The following CNTNAP2 variants were observed in gnomAD, a reference collection of about 807,000 sequenced individuals.
CNTNAP2 encodes contactin-associated protein-like 2.
In CNTNAP2, 98 loss-of-function variants were observed where a neutral mutation model predicts 155.2. The observed-to-expected ratio is 0.63, with a 90% CI of 0.54 to 0.75. The LOEUF is 0.75. Ranked by LOEUF, CNTNAP2 falls within the 30% of genes least tolerant of loss-of-function variation. The pLI, the probability that CNTNAP2 is intolerant of heterozygous loss-of-function variation, is 0.00. For missense variants in CNTNAP2, 1,727 were observed against 1,688.1 expected (o/e 1.02, Z -0.40); for synonymous variants, 651 against 631.2 (o/e 1.03, Z -0.47).
chr7:146,896,925 T>C (rs1321350330), intron 3 of CNTNAP2, among the ~76,000 whole-genome samples: 1 of 152,040 alleles, frequency 6.6e-6, no homozygotes, highest in Non-Finnish European at 1.5e-5. Flanking sequence ...CTGGGCTAAA[T>C]TGCAATTAAG....
intron 1 of CNTNAP2, among the ~76,000 whole-genome samples, chr7:146,447,555 G>A (rs965386002): frequency 6.6e-6 from 1 of 151,752 alleles, no homozygotes; most frequent in Non-Finnish European, 1.5e-5. Context: ...TATTTTCTTT[G>A]ACATTACATA....
intron 8 of CNTNAP2, among the ~76,000 whole-genome samples, chr7:147,178,961 C>T (rs1425652249): frequency 6.6e-6 from 1 of 152,072 alleles, no homozygotes; most frequent in Non-Finnish European, 1.5e-5. Flanking sequence ...AAGCAGGGGT[C>T]TTTCATTTTC....
chr7:147,578,357 G>A (rs1409833250), intron 12 of CNTNAP2, among the ~76,000 whole-genome samples: 1 of 152,106 alleles, frequency 6.6e-6, no homozygotes, highest in African/African-American at 2.4e-5. Flanking sequence ...TAGAGGGCTT[G>A]TCATGGCCAC....
intron 1 of CNTNAP2, among the ~76,000 whole-genome samples, chr7:146,598,307 T>G (rs142192228): frequency 2.0e-5 from 3 of 152,240 alleles, no homozygotes; most frequent in Non-Finnish European, 4.4e-5. Context: ...ATGCTGTTAT[T>G]TTTCCTTTCA....
intron 1 of CNTNAP2, among the ~76,000 whole-genome samples, chr7:146,330,968 T>A (rs987806053): frequency 2.6e-5 from 4 of 152,150 alleles, no homozygotes; most frequent in Non-Finnish European, 5.9e-5. Flanking sequence ...ATAACCAAAT[T>A]GCCTGTAAGA....
chr7:146,599,404 T>G (rs1798912072), intron 1 of CNTNAP2, among the ~76,000 whole-genome samples: 2 of 152,088 alleles, frequency 1.3e-5, no homozygotes, highest in Admixed American at 1.3e-4. Context: ...TAACATGGTC[T>G]GGGATCCCGT....
intron 1 of CNTNAP2, among the ~76,000 whole-genome samples, chr7:146,479,486 C>G (rs189679044): frequency 6.6e-6 from 1 of 151,920 alleles, no homozygotes; most frequent in Non-Finnish European, 1.5e-5. Context: ...GAATTTAAAA[C>G]AGTTGCTTTA....
chr7:146,727,198 C>A (rs1039551805), intron 1 of CNTNAP2, among the ~76,000 whole-genome samples: 7 of 151,986 alleles, frequency 4.6e-5, no homozygotes, highest in African/African-American at 1.7e-4. Context: ...CCGCTATTGT[C>A]CAATAAACGA....
chr7:146,910,548 T>C lies in CNTNAP2; in HGVS notation c.402+70644T>C, dbSNP rs371430409. Among the ~76,000 whole-genome samples the C allele has an allele frequency of 9.0e-3, 1,360 of 150,976 alleles. 20 individuals carry two copies. The highest frequency in any genetic ancestry group is 0.032 in the African/African-American group (1,311 of 40,446). ...TTGACAAACCTGAGAAAAACAAGCA[T>C]TGGGGAAAGGATTCCCTATTTAATA... On this transcript the variant is annotated intron_variant, in intron 3 of 23. Transcript: ENST00000361727.
intron 11 of CNTNAP2, among the ~76,000 whole-genome samples, chr7:147,534,448 A>G (rs1241138744): frequency 2.0e-5 from 3 of 152,178 alleles, no homozygotes; most frequent in African/African-American, 4.8e-5. Flanking sequence ...CTTAGGATAC[A>G]GAAGAATAAG....
intron 19 of CNTNAP2, among the ~76,000 whole-genome samples, chr7:148,228,792 C>A (rs10155948): frequency 0.67 from 98,323 of 146,628 alleles, 33,229 homozygotes; most frequent in Middle Eastern, 0.73. Context: ...CGCGCCACTG[C>A]ACTCCAGCCT....
In CNTNAP2 at chr7:147,041,724, A is replaced by G. The variant is rs193171913; in HGVS notation, c.403-2183A>G. Among the ~76,000 whole-genome samples the G allele has an allele frequency of 7.2e-5, 11 of 152,344 alleles. No individual in the cohort carries two copies. The East Asian group carries it at 1.9e-3, about 27-fold the overall frequency. ...TCATAAGACTGCAGATGTCTTAGAG[A>G]CAGTGTTTCAGGAGAGATTTTTGTT... On this transcript the variant is annotated intron_variant, in intron 3 of 23. Coordinates refer to ENST00000361727, the MANE Select transcript of CNTNAP2 (RefSeq NM_014141.6).
intron 14 of CNTNAP2, among the ~76,000 whole-genome samples, chr7:147,942,188 C>G (rs955673757): frequency 6.6e-6 from 1 of 152,186 alleles, no homozygotes; most frequent in Admixed American, 6.5e-5. Flanking sequence ...ACAACAATGG[C>G]AGCAGTAATT....
chr7:147,717,947 T>C (rs1022124974), intron 13 of CNTNAP2, among the ~76,000 whole-genome samples: 2 of 151,974 alleles, frequency 1.3e-5, no homozygotes, highest in South Asian at 4.1e-4. Context: ...TTTTTTTTTC[T>C]GAATTCACTC....
chr7:148,008,639 T>C (rs1366221798), intron 15 of CNTNAP2, among the ~76,000 whole-genome samples: 1 of 152,224 alleles, frequency 6.6e-6, no homozygotes, highest in Non-Finnish European at 1.5e-5. Flanking sequence ...TGTCACTTCC[T>C]GTGAGACAGC....
intron 1 of CNTNAP2, among the ~76,000 whole-genome samples, chr7:146,444,947 C>A (rs1796380809): frequency 6.6e-6 from 1 of 151,920 alleles, no homozygotes; most frequent in Non-Finnish European, 1.5e-5. Flanking sequence ...ATGAGCCACC[C>A]ACCGAGACAC....
rs566780151 is a variant in CNTNAP2, at chr7:147,730,405, A to T, written c.2098+91099A>T. Among the ~76,000 whole-genome samples the T allele has an allele frequency of 2.0e-5, 3 of 152,086 alleles. No homozygotes were observed. In the South Asian group the frequency reaches 6.2e-4, roughly 31 times the overall value. On this transcript the variant is annotated intron_variant, in intron 13 of 23. Coordinates refer to ENST00000361727, the MANE Select transcript of CNTNAP2 (RefSeq NM_014141.6). ...TCATACCTCAGTGTCACATTTTGAT[A>T]ATTCTCCCAACAATTCAAAATTTCT...
At chr7:146,786,172 G>C (rs1005742116) in intron 2 of CNTNAP2, among the ~76,000 whole-genome samples, 1 of 152,140 alleles carries the variant, frequency 6.6e-6, no homozygotes, top group African/African-American at 2.4e-5. Flanking sequence ...TATACCAAAT[G>C]AGTGACTGTA....
intron 13 of CNTNAP2, among the ~76,000 whole-genome samples, chr7:147,699,231 T>C (rs1232478885): frequency 6.8e-6 from 1 of 146,000 alleles, no homozygotes; most frequent in African/African-American, 2.5e-5. Flanking sequence ...TAAAATTCTA[T>C]TAAAAAAAAA....
Sources: gnomAD v4.1 joint callset for allele counts (sites outside exome capture counted in the v4.1 genomes callset) on GRCh38, gnomAD v4.1.1 for gene constraint, MANE v1.5 for transcripts, NCBI Gene and HGNC (gene_info 2026-07-23, HGNC 2026-07-21) for gene names.